Variants in DOCK3 observed in about 807,000 individuals in gnomAD.
The protein encoded by DOCK3 is dedicator of cytokinesis 3, also known as dedicator of cytokinesis protein 3.
Under a neutral mutation model 265.6 loss-of-function variants are expected in DOCK3, and 60 were observed. The observed-to-expected ratio is 0.23, with a 90% CI of 0.18 to 0.28. The LOEUF is 0.28. Among genes scored for constraint, DOCK3 ranks in the 10% least tolerant of loss-of-function variants. The pLI is 1.00. For synonymous variants in DOCK3, 881 were observed against 938.0 expected, an observed-to-expected ratio of 0.94 and a Z score of 1.11; for missense variants, 1,981 against 2,594.3, an observed-to-expected ratio of 0.76 and a Z score of 5.14.
At chr3:51,016,661 ATT>A (rs2079288827) in intron 5 of DOCK3, among the ~76,000 whole-genome samples, 2 of 96,856 alleles carry the variant, frequency 2.1e-5, no homozygotes, top group Non-Finnish European at 3.7e-5. Context: ...GTTTATATAT[ATT>A]ATATGATATA....
intron 2 of DOCK3, among the ~76,000 whole-genome samples, chr3:50,837,590 T>G (rs895843497): frequency 1.3e-5 from 2 of 152,152 alleles, no homozygotes; most frequent in Non-Finnish European, 2.9e-5. Context: ...GAATTGAGAT[T>G]ACAATTCAAG....
At chr3:50,810,107 C>T (rs756323449) in intron 2 of DOCK3, among the ~76,000 whole-genome samples, 7 of 152,172 alleles carry the variant, frequency 4.6e-5, no homozygotes, top group Non-Finnish European at 8.8e-5. Flanking sequence ...TACACTTTAG[C>T]GTGGGCGACA....
At chr3:51,319,447 C>T (rs983518612) in intron 32 of DOCK3, among the ~76,000 whole-genome samples, 4 of 150,552 alleles carry the variant, frequency 2.7e-5, no homozygotes, top group African/African-American at 7.3e-5. Flanking sequence ...CATTGCAGAG[C>T]TATGCAATGG....
intron 21 of DOCK3, among the ~76,000 whole-genome samples, chr3:51,244,865 A>G (rs766541584): frequency 2.6e-5 from 4 of 152,190 alleles, no homozygotes; most frequent in African/African-American, 4.8e-5. Context: ...CTATACTTCT[A>G]CTTCTAGGAA....
At chr3:50,878,729 C>T (rs534246665) in intron 3 of DOCK3, among the ~76,000 whole-genome samples, 61 of 152,116 alleles carry the variant, frequency 4.0e-4, no homozygotes, top group Non-Finnish European at 7.4e-4. Context: ...GGAGAATATC[C>T]CCAAGCTAGC....
chr3:50,790,957 GT>G (rs34508635), intron 2 of DOCK3, among the ~76,000 whole-genome samples: 143,057 of 151,818 alleles, frequency 0.94, 68,022 homozygotes, highest in Non-Finnish European at 1. Context: ...ACTTTTTAAT[GT>G]TTTTTTTTGT....
At chr3:51,165,386 G>A (rs2086347788) in intron 12 of DOCK3, among the ~76,000 whole-genome samples, 4 of 152,076 alleles carry the variant, frequency 2.6e-5, no homozygotes, top group African/African-American at 4.8e-5. Flanking sequence ...AAACATTGTC[G>A]GATGATTACC....
At chr3:51,304,379 C>G (rs140268909) in intron 27 of DOCK3, among the ~76,000 whole-genome samples, 1 of 152,092 alleles carries the variant, frequency 6.6e-6, no homozygotes, top group Non-Finnish European at 1.5e-5. Context: ...GCTCATTAGT[C>G]TTAGGCAGCA....
In DOCK3 at chr3:50,830,228, G is replaced by A. The variant is rs28470802; in HGVS notation, c.122-11447G>A. 2.8e-3 allele frequency among the ~76,000 whole-genome samples: 425 copies of A among 152,224 alleles called. 3 individuals are homozygous for A. Among genetic ancestry groups the A allele is most frequent in the African/African-American group, 9.8e-3 (407 of 41,544 alleles). ...GTGAAAAAAATCAGTATTTTTAAAAGGGTGTAGATTTTGTTTTTGGCTCTT... is the reference window on the plus strand; with the variant it reads ...GTGAAAAAAATCAGTATTTTTAAAAAGGTGTAGATTTTGTTTTTGGCTCTT... On this transcript the variant is annotated intron_variant, in intron 2 of 52. Transcript: ENST00000266037.
chr3:50,980,000 A>G (rs2077631267), intron 5 of DOCK3, among the ~76,000 whole-genome samples: 1 of 152,218 alleles, frequency 6.6e-6, no homozygotes, highest in African/African-American at 2.4e-5. Flanking sequence ...GTGTTGAACA[A>G]GAATGTTCAA....
intron 5 of DOCK3, among the ~76,000 whole-genome samples, chr3:50,975,640 A>C (rs1246432628): frequency 2.0e-5 from 3 of 152,304 alleles, no homozygotes; most frequent in Non-Finnish European, 4.4e-5. Context: ...TTAGTATCAG[A>C]ATGATGCTGG....
At position 50,675,363 on chromosome 3, in the gene DOCK3, C is replaced by A. The variant is rs2033859849; in HGVS notation, c.37+63C>A. ...GGGGGACGCGCCCAGCTCCCGGCCC[C>A]GCCTGGATTCGCATCCTCGTGCCCC... On this transcript the variant is annotated intron_variant, in intron 1 of 52. Coordinates refer to ENST00000266037, the MANE Select transcript of DOCK3 (RefSeq NM_004947.5). The surrounding 1 kb of genome is among the most constrained non-coding windows in gnomAD (Gnocchi z 6.1). 1 of 1,165,690 alleles carries A rather than the reference C, an allele frequency of 8.6e-7. No individual in the cohort carries two copies. The highest frequency in any genetic ancestry group is 1.1e-6 in the Non-Finnish European group (1 of 933,430). 72.2% of individuals were successfully genotyped at this position (1,165,690 alleles called of 1,614,324 possible).
At chr3:50,965,032 C>A (rs2076989803) in intron 5 of DOCK3, among the ~76,000 whole-genome samples, 1 of 152,022 alleles carries the variant, frequency 6.6e-6, no homozygotes, top group Non-Finnish European at 1.5e-5. Context: ...GAATGTATTA[C>A]TAGAAGACCT....
chr3:50,773,163 G>A (rs1316718397), intron 1 of DOCK3, among the ~76,000 whole-genome samples: 1 of 151,990 alleles, frequency 6.6e-6, no homozygotes, highest in Non-Finnish European at 1.5e-5. Flanking sequence ...TTTGACAAAG[G>A]TGCCAACAAT....
chr3:50,841,965 ATTTTT>A (rs776506899), intron 3 of DOCK3, among the ~76,000 whole-genome samples: 6 of 152,000 alleles, frequency 3.9e-5, no homozygotes, highest in Non-Finnish European at 8.8e-5. Flanking sequence ...GCTTTTAAAT[ATTTTT>A]TTCTTTAAGG....
chr3:51,308,804 G>A (rs542205747), intron 27 of DOCK3, among the ~76,000 whole-genome samples: 3,725 of 139,644 alleles, frequency 0.027, 90 homozygotes, highest in African/African-American at 0.065. Context: ...GCTGCCGGGC[G>A]GAGGGGCTCC....
chr3:50,734,269 G>A (rs541690244), intron 1 of DOCK3, among the ~76,000 whole-genome samples: 27 of 152,186 alleles, frequency 1.8e-4, no homozygotes, highest in Non-Finnish European at 2.6e-4. Context: ...AATACTTTGG[G>A]AGGCTGAGGT....
At position 51,341,470 on chromosome 3, in the gene DOCK3, G is replaced by T; in HGVS notation, c.3915+85G>T. 4 of 1,559,198 alleles carry T rather than the reference G, an allele frequency of 2.6e-6. No individual in the cohort carries two copies. In the South Asian group the frequency reaches 3.5e-5, roughly 14 times the overall value. ...TGACACCATAGGGTTAACAGCAGCT[G>T]CAGGGGGTAGTGTGTGGGGTGGTGA... On this transcript the variant is annotated intron_variant, in intron 38 of 52. Transcript: ENST00000266037.
At chr3:50,947,692 G>T (rs1055623302) in intron 5 of DOCK3, among the ~76,000 whole-genome samples, 3 of 151,934 alleles carry the variant, frequency 2.0e-5, no homozygotes, top group African/African-American at 7.2e-5. Flanking sequence ...CACACTAAAG[G>T]CTAGACAACA....
Sources: allele counts gnomAD v4.1 joint callset (sites outside exome capture counted in the v4.1 genomes callset), GRCh38; gene constraint gnomAD v4.1.1; non-coding constraint Gnocchi (gnomAD v3.1); transcripts MANE v1.5; gene names NCBI Gene and HGNC (gene_info 2026-07-23, HGNC 2026-07-21).